SEC14L1: variants seen among roughly 807,000 people sequenced by gnomAD.
SEC14L1 encodes SEC14 like lipid binding 1, also known as SEC14-like protein 1.
In SEC14L1, 48 loss-of-function variants were observed where a neutral mutation model predicts 85.3. The observed-to-expected ratio is 0.56, with a 90% CI of 0.45 to 0.72. The LOEUF (loss-of-function observed/expected upper bound fraction) is 0.72. Ranked by LOEUF, SEC14L1 falls within the 30% of genes least tolerant of loss-of-function variation. The pLI, the probability that SEC14L1 is intolerant of heterozygous loss-of-function variation, is 0.00. For synonymous variants in SEC14L1, 391 were observed against 355.5 expected (o/e 1.10, Z -1.12); for missense variants, 682 against 921.4 (o/e 0.74, Z 3.36).
At chr17:77,190,734 C>G in intron 3 of SEC14L1, 69 bp from the exon 4 acceptor site, 3 of 1,544,132 alleles carry the variant, frequency 1.9e-6, no homozygotes, top group Non-Finnish European at 2.7e-6. Flanking sequence ...CCAGGGAGAA[C>G]ACAGTCAGCG....
At chr17:77,103,105 A>C (rs1971816517) in intron 3 of SEC14L1, among the ~76,000 whole-genome samples, 3 of 151,374 alleles carry the variant, frequency 2.0e-5, no homozygotes, top group Admixed American at 1.3e-4. Context: ...GCTTGGCCTG[A>C]AATGATTTTT....
chr17:77,204,879 A>T (rs1055534079), intron 10 of SEC14L1, among the ~76,000 whole-genome samples: 2 of 152,208 alleles, frequency 1.3e-5, no homozygotes, highest in Non-Finnish European at 2.9e-5. Flanking sequence ...GCCATGCCTT[A>T]CATCTGTTCT....
At chr17:77,189,872 C>T (rs1275603069) in intron 3 of SEC14L1, among the ~76,000 whole-genome samples, 2 of 152,198 alleles carry the variant, frequency 1.3e-5, no homozygotes, top group African/African-American at 4.8e-5. Flanking sequence ...TCATGATCTG[C>T]CCACCTCAGA....
At chr17:77,185,114 T>C (rs1975209404) in intron 3 of SEC14L1, 1 of 584,074 alleles carries the variant, frequency 1.7e-6, no homozygotes, top group Non-Finnish European at 2.2e-6. Context: ...TAAGATTGTA[T>C]TGTATGCTTC....
intron 3 of SEC14L1, among the ~76,000 whole-genome samples, chr17:77,188,375 T>A (rs1048770987): frequency 1.3e-5 from 2 of 151,652 alleles, no homozygotes; most frequent in Admixed American, 6.6e-5. Context: ...TCAAGAGTGT[T>A]ATGGACAGGG....
intron 3 of SEC14L1, among the ~76,000 whole-genome samples, chr17:77,096,919 G>A (rs1480405451): frequency 1.3e-5 from 2 of 152,142 alleles, no homozygotes; most frequent in African/African-American, 4.8e-5. Flanking sequence ...TCTTAGTTAC[G>A]AATCTGTCCG....
intron 3 of SEC14L1, among the ~76,000 whole-genome samples, chr17:77,121,315 C>T (rs868411957): frequency 1.3e-4 from 20 of 152,134 alleles, no homozygotes; most frequent in African/African-American, 4.6e-4. Flanking sequence ...GGGAAGTTGG[C>T]AAATATTTTG....
At chr17:77,124,216 T>A (rs1227681096) in intron 3 of SEC14L1, among the ~76,000 whole-genome samples, 1 of 152,038 alleles carries the variant, frequency 6.6e-6, no homozygotes, top group East Asian at 1.9e-4. Flanking sequence ...ATATGAAAAG[T>A]AGCCAGGCGT....
chr17:77,212,930 A>T, intron 15 of SEC14L1, among the ~76,000 whole-genome samples: 1 of 152,364 alleles, frequency 6.6e-6, no homozygotes, highest in East Asian at 1.9e-4. Flanking sequence ...AGCCCCGAAC[A>T]TGCTGGATGA....
At chr17:77,173,030 A>G (rs957101955) in intron 3 of SEC14L1, among the ~76,000 whole-genome samples, 5 of 152,124 alleles carry the variant, frequency 3.3e-5, no homozygotes, top group Admixed American at 3.3e-4. Flanking sequence ...GCGAATACCT[A>G]GGATAGACAT....
In SEC14L1 at chr17:77,213,234, C is replaced by A. The variant is rs956651820; in HGVS notation, c.1864-80C>A. 2 of 1,226,330 alleles carry A rather than the reference C, an allele frequency of 1.6e-6. No homozygotes were observed. Among genetic ancestry groups the A allele is most frequent in the Non-Finnish European group, 2.3e-6 (2 of 880,186 alleles). The allele number at this position is 1,226,330 out of a possible 1,614,324, so 76.0% of individuals were successfully genotyped here. ...CTACATGAAATCCTAAAGACAGTCC[C>A]CTTGGCGCTTGTCAGGCCTGTGGTA... is the stretch of plus-strand genomic sequence containing the variant. On this transcript the variant is annotated intron_variant, in intron 15 of 16. Transcript: ENST00000436233. This position sits in a 1 kb window ranked among gnomAD's most constrained non-coding sequence, Gnocchi z 7.1.
chr17:77,118,381 A>G (rs1304580479), intron 3 of SEC14L1, among the ~76,000 whole-genome samples: 1 of 152,226 alleles, frequency 6.6e-6, no homozygotes, highest in Admixed American at 6.5e-5. Context: ...ACCTTCGTTC[A>G]GTAGGCACAT....
chr17:77,195,166 G>A (rs1037124294), intron 7 of SEC14L1: 2 of 510,084 alleles, frequency 3.9e-6, no homozygotes, highest in African/African-American at 3.9e-5. Context: ...GAAGGTGTTT[G>A]TTTGTTTGTT....
chr17:77,133,939 A>AG (rs1444877423), intron 3 of SEC14L1, among the ~76,000 whole-genome samples: 10 of 15,634 alleles, frequency 6.4e-4, no homozygotes, highest in Admixed American at 1.8e-3. Context: ...ACTCCATCTC[A>AG]AAAAAAAAAA....
upstream of SEC14L1, among the ~76,000 whole-genome samples, chr17:77,140,292 G>C (rs1972939333): frequency 6.6e-6 from 1 of 152,188 alleles, no homozygotes; most frequent in African/African-American, 2.4e-5. Flanking sequence ...TCAAGCCCGC[G>C]GCCCGACACT....
In SEC14L1 at chr17:77,135,189, T is replaced by C. The variant is rs145543536; in HGVS notation, c.-135-7457T>C. ...GGGCATCACTTCTCTCTCCTGGTTC[T>C]CCTTCCACCTCTCTGCTTATCAGCA... is the stretch of plus-strand genomic sequence containing the variant. On this transcript the variant is annotated intron_variant, in intron 3 of 19. Coordinates refer to the SEC14L1 transcript ENST00000392476. 3.2e-3 allele frequency among the ~76,000 whole-genome samples: 495 copies of C among 152,358 alleles called. 1 individual carries two copies. Among genetic ancestry groups the C allele is most frequent in the Non-Finnish European group, 5.7e-3 (387 of 68,034 alleles).
intron 3 of SEC14L1, among the ~76,000 whole-genome samples, chr17:77,178,795 C>T (rs561205122): frequency 3.9e-5 from 6 of 152,318 alleles, no homozygotes; most frequent in Admixed American, 3.9e-4. Context: ...AATGCTGGCA[C>T]GCCGGCAGCG....
At chr17:77,107,213 C>T (rs1971934530) in intron 3 of SEC14L1, among the ~76,000 whole-genome samples, 2 of 152,192 alleles carry the variant, frequency 1.3e-5, no homozygotes, top group Non-Finnish European at 2.9e-5. Context: ...TTCAGGACCA[C>T]TTAGCCCACG....
chr17:77,161,712 CTTTTT>C (rs763767954), intron 3 of SEC14L1, among the ~76,000 whole-genome samples: 5 of 103,048 alleles, frequency 4.9e-5, no homozygotes, highest in Admixed American at 1.1e-4. Context: ...TAAATTGGTT[CTTTTT>C]TTTTTTTTTT....
Sources: gnomAD v4.1 joint callset for allele counts (sites outside exome capture counted in the v4.1 genomes callset) on GRCh38, gnomAD v4.1.1 for gene constraint, Gnocchi (gnomAD v3.1) non-coding constraint, MANE v1.5 for transcripts, NCBI Gene and HGNC (gene_info 2026-07-23, HGNC 2026-07-21) for gene names.